EFR3B: variants seen among roughly 807,000 people sequenced by gnomAD.
EFR3B encodes EFR3 homolog B.
Under a neutral mutation model 104.7 loss-of-function variants are expected in EFR3B, and 64 were observed. The ratio of observed to expected loss-of-function variants is 0.61; its 90% CI spans 0.50 to 0.75. EFR3B has a LOEUF of 0.75. Among genes scored for constraint, EFR3B ranks in the 30% least tolerant of loss-of-function variants. The pLI, the probability that EFR3B is intolerant of heterozygous loss-of-function variation, is 0.00. For missense variants in EFR3B, 750 were observed against 1,078.5 expected, an observed-to-expected ratio of 0.70 and a Z score of 4.27; for synonymous variants, 385 against 417.9, an observed-to-expected ratio of 0.92 and a Z score of 0.96.
At chr2:25,081,517 T>C (rs1668806382) in intron 1 of EFR3B, 2 of 1,241,028 alleles carry the variant, frequency 1.6e-6, no homozygotes, top group African/African-American at 1.5e-5. Context: ...CATACTCATG[T>C]ATTCATGTAG....
rs774925647 is a variant in EFR3B at position 25,092,962 on chromosome 2, A to G, written c.85-41A>G. The G allele has an allele frequency of 4.6e-6, 7 of 1,537,714 alleles. No homozygotes were observed. In the Admixed American group the frequency reaches 5.9e-5, roughly 13 times the overall value. On this transcript the variant is annotated intron_variant, in intron 2 of 22. Coordinates refer to ENST00000403714, the MANE Select transcript of EFR3B (RefSeq NM_014971.2). ...TCTCTAGACTTGAACTCGTCTAGCC[A>G]TAGTGTGGCCATAGTGAGCACAAGC... is the stretch of plus-strand genomic sequence containing the variant.
At chr2:25,118,418 A>G (rs1389703897) in intron 4 of EFR3B, among the ~76,000 whole-genome samples, 1 of 152,148 alleles carries the variant, frequency 6.6e-6, no homozygotes, top group East Asian at 1.9e-4. Flanking sequence ...CTTCTTCTTT[A>G]AGGCTGAATA....
At chr2:25,094,417 G>A (rs1558599571) in intron 3 of EFR3B, among the ~76,000 whole-genome samples, 1 of 152,162 alleles carries the variant, frequency 6.6e-6, no homozygotes, top group Non-Finnish European at 1.5e-5. Flanking sequence ...GGGTGGAGTG[G>A]AGAAACTGAG....
chr2:25,046,712 C>G (rs1001046321), intron 1 of EFR3B, among the ~76,000 whole-genome samples: 13 of 151,740 alleles, frequency 8.6e-5, no homozygotes, highest in African/African-American at 3.1e-4. Flanking sequence ...ACCGTGTTAG[C>G]CAGGATGGTC....
rs1202441299 is a variant in EFR3B at position 25,042,858 on chromosome 2, G to A, written c.7+539G>A. Among the ~76,000 whole-genome samples, 3 of 152,106 alleles carry A rather than the reference G, an allele frequency of 2.0e-5. No homozygotes were observed. ...CCTCTGCCTGCCCCTGCCGCCCCGC[G>A]GGATCCAGGTTCACCAACTTCCAGA... On this transcript the variant is annotated intron_variant, in intron 1 of 22. Transcript: ENST00000403714. This position sits in a 1 kb window ranked among gnomAD's most constrained non-coding sequence, Gnocchi z 5.4.
intron 6 of EFR3B, 119 bp from the exon 7 acceptor site, chr2:25,129,856 T>G: frequency 7.2e-7 from 1 of 1,385,454 alleles, no homozygotes. Context: ...TATTGCCTAG[T>G]GCAACCCATG....
chr2:25,111,895 G>C (rs1405670898), intron 4 of EFR3B, among the ~76,000 whole-genome samples: 1 of 152,242 alleles, frequency 6.6e-6, no homozygotes, highest in African/African-American at 2.4e-5. Flanking sequence ...CAGCCATGCA[G>C]AACTATTGCA....
At chr2:25,091,159 G>C (rs1558598068) in intron 1 of EFR3B, among the ~76,000 whole-genome samples, 166 bp from the exon 2 acceptor site, 1 of 152,222 alleles carries the variant, frequency 6.6e-6, no homozygotes, top group Non-Finnish European at 1.5e-5. Flanking sequence ...GACAATGAGA[G>C]ATGCCAGCTC....
At chr2:25,046,674 T>C (rs1221883801) in intron 1 of EFR3B, among the ~76,000 whole-genome samples, 2 of 150,898 alleles carry the variant, frequency 1.3e-5, no homozygotes, top group African/African-American at 4.9e-5. Flanking sequence ...CGGCTAATTT[T>C]TTGTATTTTT....
In EFR3B at chr2:25,157,184, G is replaced by A. The variant is rs1466408424; in HGVS notation, c.*2844G>A. The A allele has an allele frequency of 6.6e-6, 1 of 152,216 alleles. No homozygotes were observed. Among genetic ancestry groups the A allele is most frequent in the East Asian group, 1.9e-4 (1 of 5,206 alleles). 9.4% of individuals were successfully genotyped at this position (152,216 alleles called of 1,614,324 possible). A position where few individuals can be genotyped will look rare whatever the true frequency, so the allele number is the denominator to read the frequency against. ...TCCATCACTGCCGCTTAGCAAAAAT[G>A]TGCTTCTTTTGAAGAACTGGTCATT... is the stretch of plus-strand genomic sequence containing the variant. On this transcript the variant is annotated 3_prime_UTR_variant, in exon 23 of 23. Coordinates refer to ENST00000403714, the MANE Select transcript of EFR3B (RefSeq NM_014971.2).
At position 25,084,474 on chromosome 2, in the gene EFR3B, C is replaced by T. The variant is rs533469083; in HGVS notation, c.8-6851C>T. On this transcript the variant is annotated intron_variant, in intron 1 of 22. Transcript: ENST00000403714. ...GGCTGGTCTCGAACTCCTGATCTCA[C>T]GTGATCCACCTGTCTTGACCTCCCA... Among the ~76,000 whole-genome samples the T allele has an allele frequency of 3.0e-4, 46 of 152,176 alleles. No individual in the cohort carries two copies. The South Asian group carries it at 9.5e-3, about 32-fold the overall frequency.
intron 1 of EFR3B, among the ~76,000 whole-genome samples, chr2:25,083,063 A>G (rs1480619589): frequency 2.0e-5 from 3 of 152,210 alleles, no homozygotes; most frequent in Non-Finnish European, 4.4e-5. Context: ...GTCATTGAAC[A>G]TTTGGTTTAT....
At chr2:25,146,082 GTTTTTTTT>G (rs3038342) in intron 19 of EFR3B, 13 of 118,620 alleles carry the variant, frequency 1.1e-4, no homozygotes, top group Admixed American at 2.8e-4. Flanking sequence ...CAGCCAAGAT[GTTTTTTTT>G]TTTTTTTTTT....
Position 25,103,710 on chromosome 2 carries a change from G to A in EFR3B, c.286G>A (p.Val96Met), listed in dbSNP as rs1283768287. Reference sequence around the variant, plus strand: ...CCACTGCCAGAGCATCAACCTCTTCGTGGAGAGCTTCCTCAAGATGGTGGC... The same window carrying A: ...CCACTGCCAGAGCATCAACCTCTTCATGGAGAGCTTCCTCAAGATGGTGGC... ...ACHCQSINLF[V>M]ESFLKMVAKL... is the part of the protein sequence containing the mutation. The change falls in exon 4 of 23, where the codon GTG (valine) becomes ATG (methionine). Residue 96 changes from valine to methionine, a missense_variant. Coordinates refer to ENST00000403714, the MANE Select transcript of EFR3B (RefSeq NM_014971.2). The A allele has an allele frequency of 6.4e-7, 1 of 1,551,706 alleles. No individual in the cohort carries two copies. Among genetic ancestry groups the A allele is most frequent in the Non-Finnish European group, 8.7e-7 (1 of 1,146,970 alleles).
At chr2:25,141,285 C>A (rs1458205405) in intron 16 of EFR3B, 81 bp from the exon 17 acceptor site, 3 of 1,440,726 alleles carry the variant, frequency 2.1e-6, no homozygotes, top group South Asian at 2.6e-5. Context: ...AGCACCGAGC[C>A]GGGCATGGGA....
At position 25,042,786 on chromosome 2, in the gene EFR3B, G is replaced by A. The variant is rs1667608323; in HGVS notation, c.7+467G>A. The A allele has an allele frequency of 3.9e-6, 3 of 772,928 alleles. No individual in the cohort carries two copies. Among genetic ancestry groups the A allele is most frequent in the Non-Finnish European group, 4.7e-6 (3 of 635,438 alleles). 47.9% of individuals were successfully genotyped at this position (772,928 alleles called of 1,614,324 possible). A position where few individuals can be genotyped will look rare whatever the true frequency, so the allele number is the denominator to read the frequency against. On this transcript the variant is annotated intron_variant, in intron 1 of 22. Coordinates refer to ENST00000403714, the MANE Select transcript of EFR3B (RefSeq NM_014971.2). This position sits in a 1 kb window ranked among gnomAD's most constrained non-coding sequence, Gnocchi z 5.4. The stretch of plus-strand genomic sequence containing the variant: ...GGCGCCGGCGGCGCAGAGGCCCGGG[G>A]AGCAGCCAGTGGCCGAGTCTCGTCT...
chr2:25,102,513 G>A (rs1208356558), intron 3 of EFR3B, among the ~76,000 whole-genome samples: 2 of 152,120 alleles, frequency 1.3e-5, no homozygotes, highest in Non-Finnish European at 1.5e-5. Flanking sequence ...AATGAGAGCT[G>A]AGCGAAGGGG....
chr2:25,058,737 A>G (rs1370872643), intron 1 of EFR3B, among the ~76,000 whole-genome samples: 3 of 149,720 alleles, frequency 2.0e-5, no homozygotes, highest in African/African-American at 7.5e-5. Flanking sequence ...CCAGCCTAGG[A>G]GACAGAGTGA....
In EFR3B at chr2:25,158,141, A is replaced by G. The variant is rs1671224082; in HGVS notation, c.*3801A>G. ...TGGGCTCCTCTGGGGGCCCTGGGAC[A>G]TGATGCCTTGCAGTTTCCATTCCAT... is the stretch of plus-strand genomic sequence containing the variant. On this transcript the variant is annotated 3_prime_UTR_variant, in exon 23 of 23. Transcript: ENST00000403714. 1 of 152,282 alleles carries G rather than the reference A, an allele frequency of 6.6e-6. No individual in the cohort carries two copies. Among genetic ancestry groups the G allele is most frequent in the African/African-American group, 2.4e-5 (1 of 41,464 alleles). The allele number at this position is 152,282 out of a possible 1,614,324, so 9.4% of individuals were successfully genotyped here. A position where few individuals can be genotyped will look rare whatever the true frequency, so the allele number is the denominator to read the frequency against.
Sources: allele counts gnomAD v4.1 joint callset (sites outside exome capture counted in the v4.1 genomes callset), GRCh38; gene constraint gnomAD v4.1.1; non-coding constraint Gnocchi (gnomAD v3.1); transcripts MANE v1.5; gene names NCBI Gene and HGNC (gene_info 2026-07-23, HGNC 2026-07-21).